FAM53B: variants seen among roughly 807,000 people sequenced by gnomAD.
FAM53B encodes the protein protein FAM53B.
In FAM53B, 12 loss-of-function variants were observed where a neutral mutation model predicts 32.7. The ratio of observed to expected loss-of-function variants is 0.37; its 90% CI spans 0.24 to 0.59. FAM53B has a LOEUF of 0.59. Among genes scored for constraint, FAM53B ranks in the 20% least tolerant of loss-of-function variants. The pLI, the probability that FAM53B is intolerant of heterozygous loss-of-function variation, is 0.72. For synonymous variants in FAM53B, 234 were observed against 228.7 expected, an observed-to-expected ratio of 1.02 and a Z score of -0.21; for missense variants, 477 against 577.7, an observed-to-expected ratio of 0.83 and a Z score of 1.79.
At chr10:124,626,388 G>GCCCCCCCCCCCCCC (rs34542605) in intron 4 of FAM53B, among the ~76,000 whole-genome samples, 1 of 101,818 alleles carries the variant, frequency 9.8e-6, no homozygotes, top group South Asian at 3.6e-4. Flanking sequence ...CGAAATTTGT[G>GCCCCCCCCCCCCCC]CCCCCCCCCC....
chr10:124,687,430 A>C (rs1949809430), intron 3 of FAM53B, among the ~76,000 whole-genome samples: 1 of 152,226 alleles, frequency 6.6e-6, no homozygotes, highest in Admixed American at 6.5e-5. Flanking sequence ...CAGCTCTGTA[A>C]GTTACTCAGT....
Position 124,639,772 on chromosome 10 carries a change from G to A in FAM53B, c.907-16168C>T, listed in dbSNP as rs551938066. Among the ~76,000 whole-genome samples the A allele has an allele frequency of 1.2e-3, 187 of 152,030 alleles. 1 individual carries two copies. The highest frequency in any genetic ancestry group is 3.1e-3 in the South Asian group (15 of 4,800). ...CCCGCATCCCAGAGTGCCTAGCTGCGTCTGAGTGAAAGTGCTGGAGACAGA... is the reference window on the plus strand; with the variant it reads ...CCCGCATCCCAGAGTGCCTAGCTGCATCTGAGTGAAAGTGCTGGAGACAGA... On this transcript the variant is annotated intron_variant, in intron 4 of 4. Transcript: ENST00000337318.
chr10:124,623,152 A>AGTT lies in FAM53B; in HGVS notation c.*87_*89dup. 6.8e-7 allele frequency: 1 copy of AGTT among 1,460,910 alleles called. No individual in the cohort carries two copies. The highest frequency in any genetic ancestry group is 9.2e-7 in the Non-Finnish European group (1 of 1,092,806). 90.5% of individuals were successfully genotyped at this position (1,460,910 alleles called of 1,614,324 possible). On this transcript the variant is annotated 3_prime_UTR_variant, in exon 5 of 5. Transcript: ENST00000337318. ...TCAGGAAGCTTTCATCAGGCCCACG[A>AGTT]GTTGGGCTCCCCTTCAAGGGCCCAC...
intron 2 of FAM53B, 84 bp downstream of exon 2, chr10:124,706,552 G>A: frequency 6.4e-7 from 1 of 1,559,066 alleles, no homozygotes; most frequent in South Asian, 1.1e-5. Flanking sequence ...GATTTGCTAA[G>A]CTTAGGTGCT....
chr10:124,686,087 C>T (rs1949800754), intron 3 of FAM53B, among the ~76,000 whole-genome samples: 1 of 152,210 alleles, frequency 6.6e-6, no homozygotes, highest in African/African-American at 2.4e-5. Context: ...ATTCCTGAAC[C>T]AGCCCACAAA....
chr10:124,657,044 A>ATATATATG (rs1168350084), intron 4 of FAM53B, among the ~76,000 whole-genome samples: 1 of 144,546 alleles, frequency 6.9e-6, no homozygotes, highest in African/African-American at 2.5e-5. Flanking sequence ...ATAAATATAT[A>ATATATATG]TATATATGTA....
At chr10:124,693,222 A>T (rs1418416483) in intron 3 of FAM53B, among the ~76,000 whole-genome samples, 1 of 152,116 alleles carries the variant, frequency 6.6e-6, no homozygotes, top group East Asian at 1.9e-4. Flanking sequence ...CTGTAATCCC[A>T]GCACTTTGTG....
At chr10:124,690,487 A>G (rs756833186) in intron 3 of FAM53B, among the ~76,000 whole-genome samples, 1 of 152,256 alleles carries the variant, frequency 6.6e-6, no homozygotes, top group Non-Finnish European at 1.5e-5. Context: ...ACAGGCTGGC[A>G]GTGGCCATTC....
chr10:124,695,636 T>C (rs990964494), intron 3 of FAM53B, among the ~76,000 whole-genome samples: 1 of 152,210 alleles, frequency 6.6e-6, no homozygotes, highest in Non-Finnish European at 1.5e-5. Context: ...GACATTCTGA[T>C]ACATTTACCA....
chr10:124,667,372 A>G (rs770705103), intron 4 of FAM53B: 1 of 760,414 alleles, frequency 1.3e-6, no homozygotes. Context: ...TCTAAGACTC[A>G]GCCACCGCCT....
chr10:124,718,826 A>G lies in FAM53B; in HGVS notation c.-174-11939T>C, dbSNP rs574644042. On this transcript the variant is annotated intron_variant, in intron 1 of 4. Transcript: ENST00000337318. ...ACTTGGGCAGGCTGACGCAGGTGAA[A>G]TGCTTGAGCCCAAGAGTTCAAGACC... Among the ~76,000 whole-genome samples, 7 of 152,340 alleles carry G rather than the reference A, an allele frequency of 4.6e-5. No individual in the cohort carries two copies. In the South Asian group the frequency reaches 1.4e-3, roughly 32 times the overall value.
At chr10:124,735,512 T>C (rs551538345) in intron 1 of FAM53B, among the ~76,000 whole-genome samples, 4 of 152,358 alleles carry the variant, frequency 2.6e-5, no homozygotes, top group East Asian at 3.9e-4. Context: ...GAGAGGAAGA[T>C]GCTGGAGGAG....
At chr10:124,664,030 A>G (rs1949650418) in intron 4 of FAM53B, among the ~76,000 whole-genome samples, 1 of 152,022 alleles carries the variant, frequency 6.6e-6, no homozygotes, top group Non-Finnish European at 1.5e-5. Flanking sequence ...TGCTGCCTGG[A>G]TGCCTCCATG....
chr10:124,689,007 G>A (rs758476385), intron 3 of FAM53B, among the ~76,000 whole-genome samples: 8 of 152,164 alleles, frequency 5.3e-5, no homozygotes, highest in Non-Finnish European at 1.0e-4. Context: ...ACCAAGATAC[G>A]AAATGCCCCG....
chr10:124,631,992 G>A (rs989783222), intron 4 of FAM53B, among the ~76,000 whole-genome samples: 3 of 152,212 alleles, frequency 2.0e-5, no homozygotes, highest in Admixed American at 2.0e-4. Flanking sequence ...TAGGAAGGAA[G>A]GGCCCACCCG....
intron 1 of FAM53B, among the ~76,000 whole-genome samples, chr10:124,734,006 C>T (rs1950160922): frequency 6.6e-6 from 1 of 152,220 alleles, no homozygotes; most frequent in South Asian, 2.1e-4. Flanking sequence ...CGTTCTTCAT[C>T]TGTCTAAACT....
chr10:124,652,359 A>C (rs1378326483), intron 4 of FAM53B, among the ~76,000 whole-genome samples: 1 of 152,200 alleles, frequency 6.6e-6, no homozygotes, highest in African/African-American at 2.4e-5. Context: ...ACAGATCAGG[A>C]AACTGAGGCC....
At chr10:124,679,588 C>T (rs1949756255) in intron 4 of FAM53B, among the ~76,000 whole-genome samples, 2 of 152,250 alleles carry the variant, frequency 1.3e-5, no homozygotes, top group Non-Finnish European at 2.9e-5. Flanking sequence ...GCTCAGCGTC[C>T]ACGGGCCCAG....
rs1424754066 is a variant in FAM53B, at chr10:124,718,662, G to A, written c.-174-11775C>T. 2.6e-5 allele frequency among the ~76,000 whole-genome samples: 4 copies of A among 152,338 alleles called. No individual in the cohort carries two copies. The East Asian group carries it at 5.8e-4, about 22-fold the overall frequency. ...GCCACAGCACAATGGCGGGGGAGCCGCTGCATGTGTAACAACAGCCATCTG... is the reference window on the plus strand; with the variant it reads ...GCCACAGCACAATGGCGGGGGAGCCACTGCATGTGTAACAACAGCCATCTG... On this transcript the variant is annotated intron_variant, in intron 1 of 4. Transcript: ENST00000337318.
Sources: allele counts gnomAD v4.1 joint callset (sites outside exome capture counted in the v4.1 genomes callset), GRCh38; gene constraint gnomAD v4.1.1; transcripts MANE v1.5; gene names NCBI Gene and HGNC (gene_info 2026-07-23, HGNC 2026-07-21).